Variants in MSI2 observed in about 807,000 individuals in gnomAD.
MSI2 encodes the protein musashi RNA binding protein 2.
MSI2 carries 17 observed loss-of-function variants against 45.6 expected under a neutral mutation model. The observed-to-expected ratio is 0.37, with a 90% CI of 0.26 to 0.56. The LOEUF (loss-of-function observed/expected upper bound fraction) is 0.56, where lower values mean the gene tolerates loss of function less well. Among genes scored for constraint, MSI2 ranks in the 20% least tolerant of loss-of-function variants. MSI2 has a pLI of 0.77. For missense variants in MSI2, 293 were observed against 444.2 expected (o/e 0.66, Z 3.06); for synonymous variants, 156 against 158.2 (o/e 0.99, Z 0.11).
At chr17:57,357,323 G>A (rs1156753913) in intron 5 of MSI2, among the ~76,000 whole-genome samples, 1 of 152,118 alleles carries the variant, frequency 6.6e-6, no homozygotes, top group Non-Finnish European at 1.5e-5. Flanking sequence ...GACCCCCAAG[G>A]CCACCCAGAG....
intron 5 of MSI2, among the ~76,000 whole-genome samples, chr17:57,297,419 G>A (rs1397548536): frequency 1.3e-5 from 2 of 151,998 alleles, no homozygotes; most frequent in African/African-American, 2.4e-5. Context: ...AAAACAATGT[G>A]CATGCCTCAA....
the MSI2 span, among the ~76,000 whole-genome samples, chr17:57,695,908 C>CGT: frequency 6.6e-6 from 1 of 152,084 alleles, no homozygotes; most frequent in Non-Finnish European, 1.5e-5. Context: ...CCTCACTGTG[C>CGT]GTGTGTGTGG....
chr17:57,285,406 G>A (rs1909781434), intron 5 of MSI2, among the ~76,000 whole-genome samples: 1 of 152,190 alleles, frequency 6.6e-6, no homozygotes, highest in African/African-American at 2.4e-5. Flanking sequence ...GCCCTTGGCT[G>A]GGGGCTGGCT....
intron 11 of MSI2, among the ~76,000 whole-genome samples, chr17:57,654,890 AT>A (rs1911470787): frequency 7.1e-6 from 1 of 141,476 alleles, no homozygotes; most frequent in Non-Finnish European, 1.6e-5. Flanking sequence ...TTTGTCTTTG[AT>A]TTTTGTCTAG....
intron 5 of MSI2, among the ~76,000 whole-genome samples, chr17:57,285,428 G>T (rs9907152): frequency 0.026 from 3,892 of 152,288 alleles, 182 homozygotes; most frequent in African/African-American, 0.087. Context: ...CTGCTGAGGA[G>T]GCCAACTTGC....
In MSI2 at chr17:57,682,328, C is replaced by CCG. The variant is rs1913663345; in HGVS notation, c.*2812_*2813insGC. 2 of 176,620 alleles carry CCG rather than the reference C, an allele frequency of 1.1e-5. No homozygotes were observed. Among genetic ancestry groups the CCG allele is most frequent in the Admixed American group, 1.3e-4 (2 of 15,410 alleles). 10.9% of individuals were successfully genotyped at this position (176,620 alleles called of 1,614,324 possible). A position where few individuals can be genotyped will look rare whatever the true frequency, so the allele number is the denominator to read the frequency against. On this transcript the variant is annotated 3_prime_UTR_variant, in exon 14 of 14. Transcript: ENST00000284073. ...CGGCGTTTTGTAGATCCCCCCCCCC[C>CCG]CACCCACTGTGAAGGGGTGCCATAC...
chr17:57,392,017 G>C (rs975037535), intron 5 of MSI2, among the ~76,000 whole-genome samples: 22 of 152,334 alleles, frequency 1.4e-4, no homozygotes, highest in African/African-American at 5.1e-4. Context: ...CTCCCAGAGG[G>C]ATGGAGTGAT....
chr17:57,383,210 G>C (rs964729589), intron 5 of MSI2, among the ~76,000 whole-genome samples: 6 of 152,212 alleles, frequency 3.9e-5, no homozygotes, highest in Admixed American at 3.3e-4. Context: ...AGTTTTAGAT[G>C]TACCCTGAGT....
intron 6 of MSI2, among the ~76,000 whole-genome samples, chr17:57,507,935 C>A (rs936148698): frequency 6.6e-6 from 1 of 152,234 alleles, no homozygotes; most frequent in Non-Finnish European, 1.5e-5. Context: ...TGTGAGCCGC[C>A]ATGCCTGGCT....
chr17:57,376,657 T>C (rs2083502194), intron 5 of MSI2, among the ~76,000 whole-genome samples: 2 of 152,230 alleles, frequency 1.3e-5, no homozygotes, highest in African/African-American at 4.8e-5. Flanking sequence ...GTTGTCTTCC[T>C]TACCCCTTTG....
At chr17:57,416,107 C>T (rs961628691) in intron 6 of MSI2, among the ~76,000 whole-genome samples, 1 of 152,142 alleles carries the variant, frequency 6.6e-6, no homozygotes, top group East Asian at 1.9e-4. Flanking sequence ...GAAGATAATA[C>T]TCTCACTATG....
At chr17:57,591,499 G>A (rs1904820327) in intron 7 of MSI2, among the ~76,000 whole-genome samples, 1 of 151,986 alleles carries the variant, frequency 6.6e-6, no homozygotes, top group Non-Finnish European at 1.5e-5. Flanking sequence ...GAGGCAGGAG[G>A]ATCGCTTGAG....
chr17:57,390,325 A>G (rs911693376), intron 5 of MSI2, among the ~76,000 whole-genome samples: 3 of 152,200 alleles, frequency 2.0e-5, no homozygotes, highest in Non-Finnish European at 4.4e-5. Context: ...GTAGCTTCTT[A>G]CAGAGCCCTG....
At chr17:57,502,464 G>A (rs548360338) in intron 6 of MSI2, among the ~76,000 whole-genome samples, 6 of 151,784 alleles carry the variant, frequency 4.0e-5, no homozygotes, top group South Asian at 2.1e-4. Context: ...AAGGTGTAAT[G>A]TGTGAATTGA....
chr17:57,489,414 G>T (rs1176463009), intron 6 of MSI2, among the ~76,000 whole-genome samples: 1 of 152,208 alleles, frequency 6.6e-6, no homozygotes. Context: ...GAGGAAGGGA[G>T]GGAGACACTG....
intron 5 of MSI2, among the ~76,000 whole-genome samples, chr17:57,397,893 G>A (rs1354608812): frequency 6.6e-6 from 1 of 152,222 alleles, no homozygotes; most frequent in African/African-American, 2.4e-5. Flanking sequence ...AGTGTTTGCT[G>A]AGGAGTGGGA....
chr17:57,491,142 C>T (rs889296168), intron 6 of MSI2, among the ~76,000 whole-genome samples: 13 of 152,190 alleles, frequency 8.5e-5, no homozygotes, highest in Non-Finnish European at 1.0e-4. Context: ...TTCTGCCAAG[C>T]GCTCGCATTG....
intron 11 of MSI2, among the ~76,000 whole-genome samples, chr17:57,671,880 C>T (rs984527707): frequency 4.6e-5 from 7 of 152,192 alleles, no homozygotes; most frequent in Non-Finnish European, 1.0e-4. Context: ...CCAGATGGCT[C>T]GTTCGGGGAC....
At chr17:57,684,872 A>ATT (rs1231828065), downstream of MSI2, among the ~76,000 whole-genome samples, 2 of 152,148 alleles carry the variant, frequency 1.3e-5, no homozygotes. Context: ...TTGTGGCACC[A>ATT]TTTTTATGAA....
Sources: gnomAD v4.1 joint callset for allele counts (sites outside exome capture counted in the v4.1 genomes callset) on GRCh38, gnomAD v4.1.1 for gene constraint, MANE v1.5 for transcripts, NCBI Gene and HGNC (gene_info 2026-07-23, HGNC 2026-07-21) for gene names.